Variants in ESR1 observed in about 807,000 individuals in gnomAD.
ESR1 encodes the protein estrogen receptor.
Under a neutral mutation model 52.7 loss-of-function variants are expected in ESR1, and 12 were observed. The observed-to-expected ratio is 0.23, with a 90% CI of 0.15 to 0.37. ESR1 has a LOEUF of 0.37. ESR1 is among the 10% of genes least tolerant of loss of function. ESR1 has a pLI of 1.00. For missense variants in ESR1, 584 were observed against 779.7 expected, an observed-to-expected ratio of 0.75 and a Z score of 2.99; for synonymous variants, 305 against 316.8, an observed-to-expected ratio of 0.96 and a Z score of 0.39.
chr6:151,998,390 T>C (rs1231679580), intron 4 of ESR1, among the ~76,000 whole-genome samples: 1 of 152,144 alleles, frequency 6.6e-6, no homozygotes, highest in East Asian at 1.9e-4. Flanking sequence ...TGTTCTTTTT[T>C]AGCTTCTTGC....
At chr6:152,024,815 TACATATACAC>T (rs2043994231) in intron 5 of ESR1, among the ~76,000 whole-genome samples, 1 of 149,632 alleles carries the variant, frequency 6.7e-6, no homozygotes, top group Non-Finnish European at 1.5e-5. Context: ...CATATATGTG[TACATATACAC>T]ATATATACAC....
rs187602901 is a variant in ESR1, at chr6:152,099,294, A to G, written c.*328A>G. On this transcript the variant is annotated 3_prime_UTR_variant, in exon 8 of 8. Transcript: ENST00000206249. ...GGGGCTCAGATAACTCTGTGCATTT[A>G]AGCTACTTGTAGAGACCCAGGCCTG... is the stretch of plus-strand genomic sequence containing the variant. 25 of 452,750 alleles carry G rather than the reference A, an allele frequency of 5.5e-5. No individual in the cohort carries two copies. The highest frequency in any genetic ancestry group is 4.3e-4 in the African/African-American group (22 of 51,590). The allele number at this position is 452,750 out of a possible 1,614,324, so 28.0% of individuals were successfully genotyped here. A position where few individuals can be genotyped will look rare whatever the true frequency, so the allele number is the denominator to read the frequency against.
intron 1 of ESR1, among the ~76,000 whole-genome samples, chr6:151,657,811 T>G (rs922301039): frequency 2.6e-5 from 4 of 152,040 alleles, no homozygotes; most frequent in African/African-American, 9.7e-5. Flanking sequence ...AAATTTTGGG[T>G]TTTTTTGGAT....
At chr6:151,944,612 G>T in intron 4 of ESR1, 104 bp downstream of exon 4, 1 of 1,033,914 alleles carries the variant, frequency 9.7e-7, no homozygotes. Context: ...AACATGTTAT[G>T]TAATTGGTTT....
At chr6:151,742,518 C>G (rs1783177069) in intron 2 of ESR1, among the ~76,000 whole-genome samples, 1 of 152,190 alleles carries the variant, frequency 6.6e-6, no homozygotes, top group Non-Finnish European at 1.5e-5. Context: ...CCAGCGCTAA[C>G]TCTGGAACTG....
At chr6:151,972,158 TA>T (rs899853997) in intron 4 of ESR1, among the ~76,000 whole-genome samples, 1 of 151,600 alleles carries the variant, frequency 6.6e-6, no homozygotes, top group Non-Finnish European at 1.5e-5. Flanking sequence ...GAAATGATAA[TA>T]AAAAAAATTG....
intron 3 of ESR1, among the ~76,000 whole-genome samples, chr6:151,893,442 C>T (rs1209821104): frequency 1.3e-5 from 2 of 151,892 alleles, no homozygotes; most frequent in African/African-American, 4.8e-5. Context: ...GAGGAACATA[C>T]AGAATTATAT....
At chr6:152,012,044 A>ACACACACACACACT (rs2042814480) in intron 5 of ESR1, among the ~76,000 whole-genome samples, 1 of 145,208 alleles carries the variant, frequency 6.9e-6, no homozygotes, top group Non-Finnish European at 1.5e-5. Flanking sequence ...ACACACACAC[A>ACACACACACACACT]CACTCACACT....
intron 3 of ESR1, among the ~76,000 whole-genome samples, chr6:151,936,900 G>A (rs978587392): frequency 3.9e-5 from 6 of 152,156 alleles, no homozygotes; most frequent in African/African-American, 1.4e-4. Context: ...AAGAACAGAG[G>A]AGGTAGGGCC....
chr6:151,911,458 C>T (rs1798242090), intron 3 of ESR1, among the ~76,000 whole-genome samples: 3 of 152,166 alleles, frequency 2.0e-5, no homozygotes. Flanking sequence ...GTTTTATTCT[C>T]AATGAGTCTT....
At chr6:151,770,150 C>T (rs761996268) in intron 2 of ESR1, among the ~76,000 whole-genome samples, 1 of 152,118 alleles carries the variant, frequency 6.6e-6, no homozygotes, top group Non-Finnish European at 1.5e-5. Context: ...TTTGCCTCAG[C>T]AACCAACTCA....
chr6:151,918,781 A>G (rs946475666), intron 3 of ESR1, among the ~76,000 whole-genome samples: 14 of 152,230 alleles, frequency 9.2e-5, no homozygotes, highest in Non-Finnish European at 2.1e-4. Context: ...CCAAACTTAT[A>G]TAAGACAATG....
chr6:152,109,828 G>A (rs925004501), intron 6 of ESR1, among the ~76,000 whole-genome samples: 8 of 152,194 alleles, frequency 5.3e-5, no homozygotes, highest in South Asian at 2.1e-4. Flanking sequence ...CTGGGGTGCC[G>A]GTTGAAGGGA....
At chr6:151,906,233 A>AC (rs1797434786) in intron 3 of ESR1, among the ~76,000 whole-genome samples, 1 of 152,108 alleles carries the variant, frequency 6.6e-6, no homozygotes, top group South Asian at 2.1e-4. Flanking sequence ...CTGTATCTCC[A>AC]CCCCACCTTG....
intron 4 of ESR1, among the ~76,000 whole-genome samples, chr6:151,981,734 T>C (rs2040009152): frequency 6.6e-6 from 1 of 152,358 alleles, no homozygotes; most frequent in South Asian, 2.1e-4. Flanking sequence ...AAATCTGAAC[T>C]ATATTGAACT....
At chr6:152,092,601 C>A (rs2050274197) in intron 6 of ESR1, among the ~76,000 whole-genome samples, 1 of 152,128 alleles carries the variant, frequency 6.6e-6, no homozygotes, top group Non-Finnish European at 1.5e-5. Flanking sequence ...GTGAGATGGT[C>A]AGTGGGCTGA....
At chr6:151,875,913 T>C (rs980421707) in intron 2 of ESR1, among the ~76,000 whole-genome samples, 4 of 151,928 alleles carry the variant, frequency 2.6e-5, no homozygotes, top group African/African-American at 9.7e-5. Flanking sequence ...CCTCAGGACA[T>C]TGAGGCAGGA....
Position 151,807,833 on chromosome 6 carries a change from C to CT in ESR1, c.-75dup. 2 of 1,320,602 alleles carry CT rather than the reference C, an allele frequency of 1.5e-6. No homozygotes were observed. Among genetic ancestry groups the CT allele is most frequent in the East Asian group, 2.4e-5 (1 of 40,832 alleles). The allele number at this position is 1,320,602 out of a possible 1,614,324, so 81.8% of individuals were successfully genotyped here. A position where few individuals can be genotyped will look rare whatever the true frequency, so the allele number is the denominator to read the frequency against. On this transcript the variant is annotated 5_prime_UTR_variant, in exon 1 of 8. An upstream open reading frame in the 5' UTR loses its in-frame stop. Coordinates refer to ENST00000206249, the MANE Select transcript of ESR1 (RefSeq NM_000125.4). ...GTCGCCTCTAACCTCGGGCTGTGCT[C>CT]TTTTTCCAGGTGGCCCGCCGGTTTC... is the stretch of plus-strand genomic sequence containing the variant.
intron 6 of ESR1, among the ~76,000 whole-genome samples, chr6:152,113,907 A>G (rs2051177202): frequency 6.6e-6 from 1 of 152,224 alleles, no homozygotes; most frequent in Non-Finnish European, 1.5e-5. Flanking sequence ...ACAGCTAGGA[A>G]GTGGCTGAGC....
Sources: allele counts gnomAD v4.1 joint callset (sites outside exome capture counted in the v4.1 genomes callset), GRCh38; gene constraint gnomAD v4.1.1; transcripts MANE v1.5; gene names NCBI Gene and HGNC (gene_info 2026-07-23, HGNC 2026-07-21).